PDE6A: variants seen among roughly 807,000 people sequenced by gnomAD.
The protein encoded by PDE6A is rod cGMP-specific 3',5'-cyclic phosphodiesterase subunit alpha.
PDE6A carries 84 observed loss-of-function variants against 106.3 expected under a neutral mutation model. The ratio of observed to expected loss-of-function variants is 0.79; its 90% confidence interval spans 0.66 to 0.95. The LOEUF is 0.95. Ranked by LOEUF, PDE6A falls within the 40% of genes least tolerant of loss-of-function variation. PDE6A has a pLI of 0.00. For synonymous variants in PDE6A, 394 were observed against 386.6 expected, an observed-to-expected ratio of 1.02 and a Z score of -0.23; for missense variants, 1,052 against 1,084.9, an observed-to-expected ratio of 0.97 and a Z score of 0.43.
intron 6 of PDE6A, among the ~76,000 whole-genome samples, chr5:149,912,240 C>A (rs1753411450): frequency 6.6e-6 from 1 of 152,202 alleles, no homozygotes; most frequent in Admixed American, 6.5e-5. Flanking sequence ...GCCTCAGCCT[C>A]CTGATTAGCT....
chr5:149,936,909 C>A (rs1386902430), intron 1 of PDE6A, among the ~76,000 whole-genome samples: 2 of 152,202 alleles, frequency 1.3e-5, no homozygotes, highest in African/African-American at 4.8e-5. Flanking sequence ...ATATGCTAGG[C>A]ACTCTTCCAG....
At chr5:149,867,919 C>A in intron 18 of PDE6A, 120 bp from the exon 19 acceptor site, 1 of 1,142,910 alleles carries the variant, frequency 8.7e-7, no homozygotes, top group South Asian at 1.2e-5. Flanking sequence ...CCTGCCCTGC[C>A]ACCCTCACTT....
rs1753077924 is a variant in PDE6A, at chr5:149,903,798, G to A, written c.1066-103C>T. 2.6e-5 allele frequency: 23 copies of A among 873,430 alleles called. No homozygotes were observed. The South Asian group carries it at 2.9e-4, about 11-fold the overall frequency. 54.1% of individuals were successfully genotyped at this position (873,430 alleles called of 1,614,324 possible). A position where few individuals can be genotyped will look rare whatever the true frequency, so the allele number is the denominator to read the frequency against. Reference sequence around the variant, plus strand: ...CAGAAACACCATGTTCTTGTCCAAGGCATTCACATTCTTTTCATCAGGTAG... The same window carrying A: ...CAGAAACACCATGTTCTTGTCCAAGACATTCACATTCTTTTCATCAGGTAG... On this transcript the variant is annotated intron_variant, in intron 7 of 21. Transcript: ENST00000255266.
rs113907729 is a variant in PDE6A at position 149,913,644 on chromosome 5, T to C, written c.998+1299A>G. Among the ~76,000 whole-genome samples the C allele has an allele frequency of 6.2e-3, 942 of 152,130 alleles. 4 individuals carry two copies. The highest frequency in any genetic ancestry group is 0.014 in the Middle Eastern group (4 of 294). ...AGTAAATCCCTTCAGTTGGACAAAA[T>C]TGCTGTGGGGGCTAAGACTAAAGGT... On this transcript the variant is annotated intron_variant, in intron 6 of 21. Transcript: ENST00000255266.
intron 1 of PDE6A, among the ~76,000 whole-genome samples, chr5:149,939,579 A>G (rs953843136): frequency 6.6e-6 from 1 of 152,216 alleles, no homozygotes; most frequent in African/African-American, 2.4e-5. Flanking sequence ...GGAGCTGCCA[A>G]TAGGAGCCAT....
chr5:149,931,716 C>T (rs1353948983), intron 3 of PDE6A, among the ~76,000 whole-genome samples: 1 of 152,186 alleles, frequency 6.6e-6, no homozygotes, highest in African/African-American at 2.4e-5. Context: ...GTTTTTCTTT[C>T]ACAGACATTT....
In PDE6A at chr5:149,896,489, G is replaced by A. The variant is rs1483731342; in HGVS notation, c.1487C>T (p.Pro496Leu). 6.2e-7 allele frequency: 1 copy of A among 1,614,090 alleles called. No homozygotes were observed. The highest frequency in any genetic ancestry group is 8.5e-7 in the Non-Finnish European group (1 of 1,180,010). Residue 496 changes from proline (P) to leucine (L), a missense_variant, in exon 12 of 22, where the codon CCA (proline) becomes CTA (leucine). Pro to Leu is a moderately conservative substitution (Grantham distance 98, BLOSUM62 -3). Transcript: ENST00000255266. ...ATTAATTTCGTATTTATCTGCATCT[G>A]GCAGCTCCGCTTGCTGTATAAGGAA... ...ELAEILQAEL[P>L]DADKYEINKF...
intron 17 of PDE6A, among the ~76,000 whole-genome samples, chr5:149,869,130 G>A (rs1274104720): frequency 1.3e-5 from 2 of 152,162 alleles, no homozygotes; most frequent in African/African-American, 4.8e-5. Flanking sequence ...TGGAGTTCAA[G>A]ACCAGCCTGG....
intron 7 of PDE6A, among the ~76,000 whole-genome samples, chr5:149,903,972 G>A (rs116657558): frequency 0.012 from 1,886 of 152,334 alleles, 21 homozygotes; most frequent in South Asian, 0.035. Context: ...ACTAGTAGCT[G>A]GAGGGTATCC....
intron 4 of PDE6A, among the ~76,000 whole-genome samples, chr5:149,930,066 T>C (rs1025632678): frequency 6.6e-6 from 1 of 152,148 alleles, no homozygotes; most frequent in African/African-American, 2.4e-5. Context: ...CAGGCCTATG[T>C]TTCAATATAA....
At chr5:149,906,088 G>A (rs1237159106) in intron 7 of PDE6A, among the ~76,000 whole-genome samples, 1 of 151,804 alleles carries the variant, frequency 6.6e-6, no homozygotes, top group Admixed American at 6.6e-5. Context: ...AAACTCCTGG[G>A]CTCAAGTGAT....
At chr5:149,935,107 A>G (rs1754144858) in intron 1 of PDE6A, among the ~76,000 whole-genome samples, 1 of 152,212 alleles carries the variant, frequency 6.6e-6, no homozygotes. Context: ...GACAGTTGCT[A>G]GCAGGCAGCG....
At chr5:149,906,066 C>T (rs1753166865) in intron 7 of PDE6A, among the ~76,000 whole-genome samples, 1 of 151,918 alleles carries the variant, frequency 6.6e-6, no homozygotes, top group Non-Finnish European at 1.5e-5. Context: ...GTATGTTGCC[C>T]AAGCTGGTCT....
intron 8 of PDE6A, 141 bp downstream of exon 8, chr5:149,903,507 G>T: frequency 1.4e-6 from 1 of 716,468 alleles, no homozygotes; most frequent in South Asian, 1.5e-5. Flanking sequence ...CATTTCCATT[G>T]GTACAGGAAT....
At chr5:149,913,790 G>A (rs529797863) in intron 6 of PDE6A, among the ~76,000 whole-genome samples, 1 of 152,308 alleles carries the variant, frequency 6.6e-6, no homozygotes, top group South Asian at 2.1e-4. Flanking sequence ...GATTCAAACA[G>A]AGAAGAAGGT....
At chr5:149,868,741 T>A (rs560468046) in intron 17 of PDE6A, among the ~76,000 whole-genome samples, 1 of 152,214 alleles carries the variant, frequency 6.6e-6, no homozygotes, top group African/African-American at 2.4e-5. Context: ...ACCACAGATA[T>A]GCTGTCCATC....
At chr5:149,885,853 G>A (rs1752273664) in intron 14 of PDE6A, among the ~76,000 whole-genome samples, 1 of 152,162 alleles carries the variant, frequency 6.6e-6, no homozygotes, top group South Asian at 2.1e-4. Context: ...GCTTCTAGAG[G>A]CCACCTGCAT....
At chr5:149,892,393 T>A (rs944034258) in intron 13 of PDE6A, among the ~76,000 whole-genome samples, 2 of 152,164 alleles carry the variant, frequency 1.3e-5, no homozygotes, top group Non-Finnish European at 2.9e-5. Flanking sequence ...CTGGAAGCAC[T>A]GTCAAATAAT....
chr5:149,896,721 G>A lies in PDE6A; in HGVS notation c.1463C>T (p.Ala488Val). The A allele has an allele frequency of 6.2e-7, 1 of 1,614,054 alleles. No homozygotes were observed. Reference protein sequence around the residue: ...EPWECEEEELAEILQAELPDA... With the variant: ...EPWECEEEELVEILQAELPDA... ...CCCGGTTCAGCTCACCAGGATCTCA[G>A]CCAGCTCCTCTTCCTCACACTCCCA... is the stretch of plus-strand genomic sequence containing the variant. Residue 488 changes from alanine to valine, a missense_variant, in exon 11 of 22, where the codon GCT becomes GTT. By Grantham distance (64) the Ala-to-Val change is moderately conservative. This residue lies in a region of PDE6A where 913 missense variants were observed against 915.2 expected (regional missense o/e 1.00). Transcript: ENST00000255266.
Sources: allele counts gnomAD v4.1 joint callset (sites outside exome capture counted in the v4.1 genomes callset), GRCh38; gene constraint gnomAD v4.1.1; regional missense constraint gnomAD v4.1.1; transcripts MANE v1.5; gene names NCBI Gene and HGNC (gene_info 2026-07-23, HGNC 2026-07-21).